PPM1E: variants seen among roughly 807,000 people sequenced by gnomAD.
The protein encoded by PPM1E is protein phosphatase, Mg2+/Mn2+ dependent 1E.
Under a neutral mutation model 65.9 loss-of-function variants are expected in PPM1E, and 20 were observed. That is an observed-to-expected ratio of 0.30 (90% CI 0.21 to 0.44). The LOEUF (loss-of-function observed/expected upper bound fraction) is 0.44. PPM1E is among the 20% of genes least tolerant of loss of function. The probability of loss-of-function intolerance (pLI) is 1.00; values close to 1 mark genes in which losing one functional copy is unlikely to be tolerated. For synonymous variants in PPM1E, 352 were observed against 374.9 expected, an observed-to-expected ratio of 0.94 and a Z score of 0.70; for missense variants, 713 against 953.1, an observed-to-expected ratio of 0.75 and a Z score of 3.32.
In PPM1E at chr17:58,966,638, G is replaced by C. The variant is rs146721754; in HGVS notation, c.783+745G>C. On this transcript the variant is annotated intron_variant, in intron 3 of 6. Coordinates refer to ENST00000308249, the MANE Select transcript of PPM1E (RefSeq NM_014906.5). ...CATAAATCTCTGTATCTGACAAATT[G>C]GATCTATATGAGCCTTGGCAGCTTA... 922 of 162,384 alleles carry C rather than the reference G, an allele frequency of 5.7e-3. 5 individuals carry two copies. Among genetic ancestry groups the C allele is most frequent in the African/African-American group, 9.5e-3 (396 of 41,588 alleles). The allele number at this position is 162,384 out of a possible 1,614,324, so 10.1% of individuals were successfully genotyped here.
At chr17:58,867,419 G>A (rs907315369) in intron 1 of PPM1E, among the ~76,000 whole-genome samples, 5 of 152,146 alleles carry the variant, frequency 3.3e-5, no homozygotes, top group Admixed American at 3.3e-4. Flanking sequence ...TTATGGGAAG[G>A]ATTAGAGTGT....
chr17:58,895,989 C>G (rs1228361814), intron 1 of PPM1E, among the ~76,000 whole-genome samples: 2 of 150,100 alleles, frequency 1.3e-5, no homozygotes, highest in Non-Finnish European at 3.0e-5. Flanking sequence ...GTGGCAGGTA[C>G]CTGTAGTCCC....
chr17:58,950,726 A>AT (rs1598671639), intron 1 of PPM1E, among the ~76,000 whole-genome samples: 1 of 108,820 alleles, frequency 9.2e-6, no homozygotes, highest in Non-Finnish European at 2.0e-5. Context: ...TCTTTATTGT[A>AT]TTTTTTATTT....
At position 58,797,121 on chromosome 17, in the gene PPM1E, AAAGT is replaced by A. The variant is rs370621299; in HGVS notation, c.464+40665_464+40668del. 9.2e-4 allele frequency among the ~76,000 whole-genome samples: 140 copies of A among 152,266 alleles called. 1 individual carries two copies. Among genetic ancestry groups the A allele is most frequent in the African/African-American group, 3.3e-3 (137 of 41,554 alleles). On this transcript the variant is annotated intron_variant, in intron 1 of 6. Transcript: ENST00000308249. ...ACTCCATCTCAAAAAATAAATCAAT[AAAGT>A]AAGTTGCAAAGTTTGCCCCTAAAAA...
intron 1 of PPM1E, among the ~76,000 whole-genome samples, chr17:58,781,724 T>C (rs2050051761): frequency 6.6e-6 from 1 of 151,438 alleles, no homozygotes; most frequent in South Asian, 2.1e-4. Context: ...CCGTCCCTAC[T>C]GAAAATACAA....
chr17:58,916,553 G>A (rs2051685591), intron 1 of PPM1E, among the ~76,000 whole-genome samples: 1 of 152,138 alleles, frequency 6.6e-6, no homozygotes, highest in Non-Finnish European at 1.5e-5. Flanking sequence ...TTGAGCCCAA[G>A]AGGTTGAGGC....
At chr17:58,947,110 GTTTTTTTTTTTTTTTT>G (rs56666470) in intron 1 of PPM1E, among the ~76,000 whole-genome samples, 3 of 44,072 alleles carry the variant, frequency 6.8e-5, no homozygotes, top group African/African-American at 1.0e-4. Flanking sequence ...CCTTTTTCCT[GTTTTTTTTTTTTTTTT>G]TTTTTTTTTT....
chr17:58,977,467 A>G (rs1301402297), intron 6 of PPM1E, among the ~76,000 whole-genome samples: 2 of 151,962 alleles, frequency 1.3e-5, no homozygotes, highest in African/African-American at 2.4e-5. Flanking sequence ...GAAATAATGA[A>G]TGAATGAATG....
At chr17:58,973,718 T>A (rs888577467) in intron 6 of PPM1E, among the ~76,000 whole-genome samples, 1 of 151,886 alleles carries the variant, frequency 6.6e-6, no homozygotes, top group East Asian at 1.9e-4. Flanking sequence ...TTTGGGAGGC[T>A]GAGGTGGGCA....
intron 1 of PPM1E, among the ~76,000 whole-genome samples, chr17:58,817,610 AC>A (rs1170293248): frequency 1.3e-5 from 2 of 152,212 alleles, no homozygotes; most frequent in African/African-American, 4.8e-5. Flanking sequence ...AGCAAGTGAA[AC>A]ATGCTGTAAA....
At chr17:58,928,943 A>T (rs1235179618) in intron 1 of PPM1E, among the ~76,000 whole-genome samples, 4 of 152,066 alleles carry the variant, frequency 2.6e-5, no homozygotes, top group Non-Finnish European at 5.9e-5. Flanking sequence ...ACCTCAGGTG[A>T]TCCACCCGCC....
At chr17:58,892,113 G>A (rs2051355004) in intron 1 of PPM1E, among the ~76,000 whole-genome samples, 1 of 152,052 alleles carries the variant, frequency 6.6e-6, no homozygotes, top group African/African-American at 2.4e-5. Context: ...TGGGATTACA[G>A]GTGTGAGCCA....
At chr17:58,921,911 G>A (rs1214180096) in intron 1 of PPM1E, among the ~76,000 whole-genome samples, 2 of 151,686 alleles carry the variant, frequency 1.3e-5, no homozygotes, top group Non-Finnish European at 2.9e-5. Flanking sequence ...GTGGTGGCAC[G>A]CACCTGTAAT....
intron 1 of PPM1E, among the ~76,000 whole-genome samples, chr17:58,787,915 A>AAT (rs2050117712): frequency 6.6e-6 from 1 of 151,544 alleles, no homozygotes; most frequent in East Asian, 1.9e-4. Flanking sequence ...TAAAAAAAAA[A>AAT]AAAAAAGAAA....
At chr17:58,912,181 C>T (rs193290483) in intron 1 of PPM1E, among the ~76,000 whole-genome samples, 13 of 152,134 alleles carry the variant, frequency 8.5e-5, no homozygotes, top group Admixed American at 4.6e-4. Context: ...AAGGTATGTT[C>T]GGATATGTCT....
chr17:58,824,523 T>G (rs1264173042), intron 1 of PPM1E, among the ~76,000 whole-genome samples: 1 of 152,058 alleles, frequency 6.6e-6, no homozygotes, highest in Non-Finnish European at 1.5e-5. Context: ...TGTAAAAGCT[T>G]TATTCTACTT....
intron 1 of PPM1E, among the ~76,000 whole-genome samples, chr17:58,949,756 G>A (rs1041703518): frequency 1.4e-4 from 22 of 152,090 alleles, no homozygotes; most frequent in Non-Finnish European, 3.1e-4. Context: ...TTTATTTCCA[G>A]ATGTAAGACG....
At chr17:58,820,951 T>C (rs993863904) in intron 1 of PPM1E, among the ~76,000 whole-genome samples, 4 of 152,106 alleles carry the variant, frequency 2.6e-5, no homozygotes, top group African/African-American at 9.7e-5. Flanking sequence ...AAGTAAAACA[T>C]AACTTGATCT....
intron 1 of PPM1E, among the ~76,000 whole-genome samples, chr17:58,880,813 A>C (rs1429135059): frequency 6.6e-6 from 1 of 151,932 alleles, no homozygotes; most frequent in Non-Finnish European, 1.5e-5. Flanking sequence ...TATTTTGTAG[A>C]GATGGGGTTT....
Sources: gnomAD v4.1 joint callset for allele counts (sites outside exome capture counted in the v4.1 genomes callset) on GRCh38, gnomAD v4.1.1 for gene constraint, MANE v1.5 for transcripts, NCBI Gene and HGNC (gene_info 2026-07-23, HGNC 2026-07-21) for gene names.